Variants in FBXO22 observed in about 807,000 individuals in gnomAD.
FBXO22 encodes the protein F-box protein 22.
FBXO22 carries 13 observed loss-of-function variants against 37.2 expected under a neutral mutation model. The ratio of observed to expected loss-of-function variants is 0.35; its 90% CI spans 0.23 to 0.56. The LOEUF (loss-of-function observed/expected upper bound fraction) is 0.56, where lower values mean the gene tolerates loss of function less well. FBXO22 is among the 20% of genes least tolerant of loss of function. The pLI, the probability that FBXO22 is intolerant of heterozygous loss-of-function variation, is 0.87. For synonymous variants in FBXO22, 189 were observed against 189.1 expected, an observed-to-expected ratio of 1.00 and a Z score of 0.00; for missense variants, 446 against 509.9, an observed-to-expected ratio of 0.87 and a Z score of 1.21.
In FBXO22 at chr15:75,930,136, C is replaced by T. The variant is rs202204059; in HGVS notation, c.794+87C>T. 184 of 1,598,412 alleles carry T rather than the reference C, an allele frequency of 1.2e-4. No homozygotes were observed. The African/African-American group carries it at 1.9e-3, about 17-fold the overall frequency. ...ACTTTGGGGTTAACAATTTAAAAAA[C>T]GTGTTTAAAGAATTATTAAGATAAT... On this transcript the variant is annotated intron_variant, in intron 6 of 6. Transcript: ENST00000308275.
intron 5 of FBXO22, among the ~76,000 whole-genome samples, chr15:75,927,420 TGA>T (rs1018806744): frequency 2.8e-4 from 42 of 152,258 alleles, no homozygotes; most frequent in African/African-American, 7.9e-4. Context: ...TTAGAAGTCA[TGA>T]GGTTTCTAAA....
chr15:75,921,144 G>A (rs1360547803), intron 5 of FBXO22, among the ~76,000 whole-genome samples: 1 of 152,132 alleles, frequency 6.6e-6, no homozygotes, highest in East Asian at 1.9e-4. Context: ...ACAATGGTAA[G>A]TATTGGTGTA....
chr15:75,923,970 C>T (rs933702704), intron 5 of FBXO22, among the ~76,000 whole-genome samples: 6 of 152,116 alleles, frequency 3.9e-5, no homozygotes, highest in East Asian at 1.9e-4. Context: ...CGATGTCATG[C>T]GGGTATGTGG....
chr15:75,914,013 G>T, intron 3 of FBXO22, 97 bp from the exon 4 acceptor site: 1 of 810,052 alleles, frequency 1.2e-6, no homozygotes, highest in South Asian at 1.6e-5. Context: ...CGTGTTAAAT[G>T]ACTTAAATAT....
chr15:75,929,732 GA>G, intron 5 of FBXO22, 151 bp from the exon 6 acceptor site: 1 of 707,102 alleles, frequency 1.4e-6, no homozygotes, highest in Non-Finnish European at 2.3e-6. Flanking sequence ...TATAAAATAA[GA>G]TAAAAAATAA....
chr15:75,923,765 A>AT (rs898438546), intron 5 of FBXO22, among the ~76,000 whole-genome samples: 2 of 152,120 alleles, frequency 1.3e-5, no homozygotes, highest in African/African-American at 4.8e-5. Context: ...AGTTAAAATA[A>AT]TTTTTTTTAA....
rs2030683035 is a variant in FBXO22, at chr15:75,939,189, A to C, written c.*6087A>C. On this transcript the variant is annotated 3_prime_UTR_variant, in exon 7 of 7. Coordinates refer to ENST00000308275, the MANE Select transcript of FBXO22 (RefSeq NM_147188.3). ...GTTCTTTAAAAGACCATAAAGTTGG[A>C]AAGCCTATGCGTAGATAGACTAAGA... The C allele has an allele frequency of 6.6e-6, 1 of 152,068 alleles. No homozygotes were observed. Among genetic ancestry groups the C allele is most frequent in the East Asian group, 1.9e-4 (1 of 5,196 alleles). 9.4% of individuals were successfully genotyped at this position (152,068 alleles called of 1,614,324 possible). A position where few individuals can be genotyped will look rare whatever the true frequency, so the allele number is the denominator to read the frequency against.
chr15:75,929,075 T>C (rs1235710953), intron 5 of FBXO22, among the ~76,000 whole-genome samples: 1 of 152,092 alleles, frequency 6.6e-6, no homozygotes, highest in Non-Finnish European at 1.5e-5. Flanking sequence ...AAGTCTGAAA[T>C]TGAGATGGCA....
At chr15:75,908,477 T>G (rs1032005426) in intron 2 of FBXO22, among the ~76,000 whole-genome samples, 2 of 152,158 alleles carry the variant, frequency 1.3e-5, no homozygotes, top group African/African-American at 4.8e-5. Flanking sequence ...TTCACCATGT[T>G]GGACAGGCTG....
At chr15:75,912,398 C>G (rs570409222) in intron 2 of FBXO22, among the ~76,000 whole-genome samples, 1 of 152,082 alleles carries the variant, frequency 6.6e-6, no homozygotes, top group Non-Finnish European at 1.5e-5. Flanking sequence ...TCGTCTGGTC[C>G]TGGGCTTTTT....
At chr15:75,916,055 C>CA (rs10591372) in intron 4 of FBXO22, among the ~76,000 whole-genome samples, 8 of 61,014 alleles carry the variant, frequency 1.3e-4, no homozygotes, top group African/African-American at 4.8e-4. Flanking sequence ...ACTCTGTCTC[C>CA]AAAAAAAAAA....
chr15:75,916,198 C>A (rs1176763840), intron 4 of FBXO22, among the ~76,000 whole-genome samples: 2 of 151,862 alleles, frequency 1.3e-5, no homozygotes, highest in African/African-American at 4.8e-5. Context: ...ATGTTAACCT[C>A]TATTTATATA....
In FBXO22 at chr15:75,904,531, C is replaced by G; in HGVS notation, c.181C>G (p.Arg61Gly). ...GAGGGAGTGTGTGCGCAGAGTATTG[C>G]GGACCCATCGGAGCGTAACCTGGAT... The part of the protein sequence containing the change: ...LWRECVRRVL[R>G]THRSVTWISA... The change falls in exon 2 of 7, where the codon CGG becomes GGG. Residue 61 changes from arginine to glycine, a missense_variant. This residue lies in a region of FBXO22 where 131 missense variants were observed against 99.8 expected (regional missense o/e 1.31). Transcript: ENST00000308275. 1 of 1,613,888 alleles carries G rather than the reference C, an allele frequency of 6.2e-7. No individual in the cohort carries two copies. Among genetic ancestry groups the G allele is most frequent in the Non-Finnish European group, 8.5e-7 (1 of 1,179,878 alleles).
intron 5 of FBXO22, among the ~76,000 whole-genome samples, chr15:75,918,844 G>A (rs1389117725): frequency 6.6e-6 from 1 of 152,208 alleles, no homozygotes; most frequent in Non-Finnish European, 1.5e-5. Flanking sequence ...ATCTGGGGTG[G>A]TTGGGAGGGG....
Position 75,940,804 on chromosome 15 carries a change from C to T in FBXO22, c.*7702C>T, listed in dbSNP as rs1281674959. 2 of 152,024 alleles carry T rather than the reference C, an allele frequency of 1.3e-5. No homozygotes were observed. The highest frequency in any genetic ancestry group is 4.8e-5 in the African/African-American group (2 of 41,402). 9.4% of individuals were successfully genotyped at this position (152,024 alleles called of 1,614,324 possible). On this transcript the variant is annotated 3_prime_UTR_variant, in exon 7 of 7. Transcript: ENST00000308275. ...CATGGCTAACTAACAAAGTTGCAAC[C>T]TCACTCATTTGCAAAAATTAACTCA...
rs748513204 is a variant in FBXO22 at position 75,932,760 on chromosome 15, GCTC to G, written c.874_876del (p.Leu292del). The G allele has an allele frequency of 2.5e-6, 4 of 1,614,234 alleles. No homozygotes were observed. Among genetic ancestry groups the G allele is most frequent in the South Asian group, 1.1e-5 (1 of 91,086 alleles). On this transcript the variant is annotated inframe_deletion, in exon 7 of 7. Coordinates refer to ENST00000308275, the MANE Select transcript of FBXO22 (RefSeq NM_147188.3). Reference sequence around the variant, plus strand: ...GACACCGAATCCAGAGTGCCACTGTGCTCCTCAACGAGGACGTCAGTGATGAGA... The same window carrying G: ...GACACCGAATCCAGAGTGCCACTGTGCTCAACGAGGACGTCAGTGATGAGA...
intron 4 of FBXO22, among the ~76,000 whole-genome samples, chr15:75,916,791 T>C (rs1029731135): frequency 1.3e-5 from 2 of 152,202 alleles, no homozygotes; most frequent in African/African-American, 4.8e-5. Context: ...TTATTTTCTA[T>C]TTGAAATTAT....
rs2031090976 is a variant in FBXO22, at chr15:75,942,430, G to C, written c.*9328G>C. Reference sequence around the variant, plus strand: ...GATGTTAATAATAAAGGCCTGGGGTGGGGGGAAGCATAGGGGAACTCTATA... The same window carrying C: ...GATGTTAATAATAAAGGCCTGGGGTCGGGGGAAGCATAGGGGAACTCTATA... On this transcript the variant is annotated 3_prime_UTR_variant, in exon 7 of 7. Coordinates refer to ENST00000308275, the MANE Select transcript of FBXO22 (RefSeq NM_147188.3). 6.6e-6 allele frequency: 1 copy of C among 152,112 alleles called. No individual in the cohort carries two copies. The highest frequency in any genetic ancestry group is 1.9e-4 in the East Asian group (1 of 5,200). 9.4% of individuals were successfully genotyped at this position (152,112 alleles called of 1,614,324 possible).
At chr15:75,917,543 G>T in intron 5 of FBXO22, 149 bp downstream of exon 5, 1 of 580,604 alleles carries the variant, frequency 1.7e-6, no homozygotes, top group Admixed American at 3.5e-5. Context: ...ATTCAAACAG[G>T]TGATTCACAG....
Sources: gnomAD v4.1 joint callset for allele counts (sites outside exome capture counted in the v4.1 genomes callset) on GRCh38, gnomAD v4.1.1 for gene constraint, gnomAD v4.1.1 regional missense constraint, MANE v1.5 for transcripts, NCBI Gene and HGNC (gene_info 2026-07-23, HGNC 2026-07-21) for gene names.